The following EFNA5 variants were observed in gnomAD, a reference collection of about 807,000 sequenced individuals.
EFNA5 encodes ephrin-A5.
EFNA5 carries 5 observed loss-of-function variants against 22.9 expected under a neutral mutation model. The ratio of observed to expected loss-of-function variants is 0.22; its 90% CI spans 0.11 to 0.46. The LOEUF (loss-of-function observed/expected upper bound fraction) is 0.46, where lower values mean the gene tolerates loss of function less well. Among genes scored for constraint, EFNA5 ranks in the 20% least tolerant of loss-of-function variants. EFNA5 has a pLI of 0.99. For synonymous variants in EFNA5, 113 were observed against 112.2 expected, an observed-to-expected ratio of 1.01 and a Z score of -0.04; for missense variants, 237 against 293.3, an observed-to-expected ratio of 0.81 and a Z score of 1.40.
At chr5:107,632,558 C>T (rs1212697016) in intron 1 of EFNA5, among the ~76,000 whole-genome samples, 1 of 152,114 alleles carries the variant, frequency 6.6e-6, no homozygotes, top group African/African-American at 2.4e-5. Flanking sequence ...GCATCCTTTC[C>T]CCGTCTTCCT....
chr5:107,526,269 T>C (rs1436305514), intron 1 of EFNA5, among the ~76,000 whole-genome samples: 2 of 152,170 alleles, frequency 1.3e-5, no homozygotes, highest in Non-Finnish European at 2.9e-5. Context: ...AACCATTAGG[T>C]TTCAACTAGA....
chr5:107,547,775 C>T (rs1748199953), intron 1 of EFNA5, among the ~76,000 whole-genome samples: 1 of 152,076 alleles, frequency 6.6e-6, no homozygotes, highest in Non-Finnish European at 1.5e-5. Flanking sequence ...CTTTGTAAGA[C>T]AGTGTAATTG....
At chr5:107,420,896 C>G (rs866268191) in intron 2 of EFNA5, among the ~76,000 whole-genome samples, 1 of 152,120 alleles carries the variant, frequency 6.6e-6, no homozygotes, top group Non-Finnish European at 1.5e-5. Context: ...TTATGGAAAA[C>G]TTGCACTTCT....
At chr5:107,464,350 A>AGCCCCT (rs1278888339) in intron 1 of EFNA5, among the ~76,000 whole-genome samples, 2 of 152,180 alleles carry the variant, frequency 1.3e-5, no homozygotes, top group African/African-American at 4.8e-5. Flanking sequence ...GATGACAAGC[A>AGCCCCT]GCCCCTGCCC....
intron 1 of EFNA5, among the ~76,000 whole-genome samples, chr5:107,467,003 C>G (rs946725914): frequency 3.3e-5 from 5 of 152,044 alleles, no homozygotes; most frequent in Non-Finnish European, 5.9e-5. Flanking sequence ...ATTGATGGAG[C>G]CTTAGTCTCA....
At chr5:107,492,340 C>T (rs1746830002) in intron 1 of EFNA5, among the ~76,000 whole-genome samples, 1 of 152,106 alleles carries the variant, frequency 6.6e-6, no homozygotes. Flanking sequence ...TGTTAAGAAA[C>T]AGTTATATGT....
chr5:107,605,032 A>G (rs999439983), intron 1 of EFNA5, among the ~76,000 whole-genome samples: 1 of 151,874 alleles, frequency 6.6e-6, no homozygotes, highest in East Asian at 1.9e-4. Flanking sequence ...TTGATTCTTC[A>G]TAACTGTTTG....
In EFNA5 at chr5:107,380,462, C is replaced by A. The variant is rs1747414030; in HGVS notation, c.*793G>T. On this transcript the variant is annotated 3_prime_UTR_variant, in exon 5 of 5. Transcript: ENST00000333274. ...TCAAAGAAAAAATATCTGGTGTGCA[C>A]TGCCCAGTCACCAAAAAAATTAGAG... The A allele has an allele frequency of 6.4e-6, 1 of 157,296 alleles. No individual in the cohort carries two copies. Among genetic ancestry groups the A allele is most frequent in the South Asian group, 2.5e-4 (1 of 3,978 alleles). 9.7% of individuals were successfully genotyped at this position (157,296 alleles called of 1,614,324 possible). A position where few individuals can be genotyped will look rare whatever the true frequency, so the allele number is the denominator to read the frequency against.
chr5:107,480,357 C>A (rs918769561), intron 1 of EFNA5, among the ~76,000 whole-genome samples: 8 of 152,074 alleles, frequency 5.3e-5, no homozygotes, highest in African/African-American at 1.9e-4. Flanking sequence ...AACTTCTTGC[C>A]CTGTGAAGGG....
chr5:107,387,210 A>G, intron 4 of EFNA5, 25 bp downstream of exon 4: 1 of 1,522,188 alleles, frequency 6.6e-7, no homozygotes, highest in Non-Finnish European at 9.0e-7. Context: ...GCATTTGTTA[A>G]AAGAGATTCT....
intron 1 of EFNA5, among the ~76,000 whole-genome samples, chr5:107,457,783 A>G (rs1266624822): frequency 6.6e-6 from 1 of 152,178 alleles, no homozygotes; most frequent in Non-Finnish European, 1.5e-5. Flanking sequence ...ATAAACACAC[A>G]ATTGTTCTAC....
intron 1 of EFNA5, among the ~76,000 whole-genome samples, chr5:107,603,590 G>A (rs1749649630): frequency 6.6e-6 from 1 of 152,178 alleles, no homozygotes; most frequent in African/African-American, 2.4e-5. Flanking sequence ...CTAACGACCA[G>A]CTCCAACAAC....
chr5:107,645,832 A>C (rs772913453), intron 1 of EFNA5, among the ~76,000 whole-genome samples: 16 of 152,236 alleles, frequency 1.1e-4, no homozygotes, highest in Non-Finnish European at 1.6e-4. Flanking sequence ...TCTCCAGATA[A>C]ATATGGATTC....
intron 1 of EFNA5, among the ~76,000 whole-genome samples, chr5:107,604,344 AT>A (rs200240993): frequency 0.17 from 25,625 of 148,456 alleles, 2,868 homozygotes; most frequent in South Asian, 0.44. Context: ...CCTGGCTCTG[AT>A]TTTTTTTTTT....
At position 107,511,183 on chromosome 5, in the gene EFNA5, C is replaced by T. The variant is rs1248719056; in HGVS notation, c.126-83674G>A. Among the ~76,000 whole-genome samples the T allele has an allele frequency of 4.6e-5, 7 of 152,102 alleles. No homozygotes were observed. The East Asian group carries it at 5.8e-4, about 13-fold the overall frequency. On this transcript the variant is annotated intron_variant, in intron 1 of 4. Transcript: ENST00000333274. ...CTGGGATAACAGGCATGCGCCACCACGCCTGGCTAATTTTGTATTTTTAGT... is the reference window on the plus strand; with the variant it reads ...CTGGGATAACAGGCATGCGCCACCATGCCTGGCTAATTTTGTATTTTTAGT...
intron 1 of EFNA5, among the ~76,000 whole-genome samples, chr5:107,594,460 C>T (rs961873921): frequency 1.3e-5 from 2 of 152,116 alleles, no homozygotes; most frequent in African/African-American, 4.8e-5. Flanking sequence ...CAGGGTGTGG[C>T]AGTGAGAGGT....
chr5:107,521,456 C>CTATATATA (rs56039409), intron 1 of EFNA5, among the ~76,000 whole-genome samples: 2,410 of 124,308 alleles, frequency 0.019, 91 homozygotes, highest in African/African-American at 0.069. Context: ...CCACACCTGG[C>CTATATATA]TATATATATA....
intron 1 of EFNA5, among the ~76,000 whole-genome samples, chr5:107,438,116 C>A (rs548195545): frequency 6.6e-6 from 1 of 152,318 alleles, no homozygotes; most frequent in African/African-American, 2.4e-5. Context: ...TGCACTTAGC[C>A]AAAGCTGCTC....
At chr5:107,650,909 C>T (rs1394726594) in intron 1 of EFNA5, among the ~76,000 whole-genome samples, 1 of 152,262 alleles carries the variant, frequency 6.6e-6, no homozygotes. Context: ...AAGAACCAGT[C>T]CACGAAACAT....
Sources: allele counts gnomAD v4.1 joint callset (sites outside exome capture counted in the v4.1 genomes callset), GRCh38; gene constraint gnomAD v4.1.1; transcripts MANE v1.5; gene names NCBI Gene and HGNC (gene_info 2026-07-23, HGNC 2026-07-21).